The following SULT1C4 variants were observed in gnomAD, a reference collection of about 807,000 sequenced individuals.
SULT1C4 encodes the protein sulfotransferase 1C4.
SULT1C4 carries 32 observed loss-of-function variants against 34.8 expected under a neutral mutation model. The ratio of observed to expected loss-of-function variants is 0.92; its 90% CI spans 0.69 to 1.23. The LOEUF is 1.23. Ranked by LOEUF, SULT1C4 falls within the 50% of genes most tolerant of loss-of-function variation. The pLI, the probability that SULT1C4 is intolerant of heterozygous loss-of-function variation, is 0.00. For synonymous variants in SULT1C4, 111 were observed against 120.5 expected (o/e 0.92, Z 0.51); for missense variants, 375 against 365.9 (o/e 1.02, Z -0.20).
At position 108,387,474 on chromosome 2, in the gene SULT1C4, A is replaced by T; in HGVS notation, c.*42A>T. On this transcript the variant is annotated 3_prime_UTR_variant, in exon 7 of 7. Transcript: ENST00000272452. ...AAAATGTTTTAGTTTATTACCCAGT[A>T]TATTTGGGTAATAATGAAAGTTTAA... 8.0e-7 allele frequency: 1 copy of T among 1,256,814 alleles called. No individual in the cohort carries two copies. The highest frequency in any genetic ancestry group is 1.1e-6 in the Non-Finnish European group (1 of 873,720). 77.9% of individuals were successfully genotyped at this position (1,256,814 alleles called of 1,614,324 possible). A position where few individuals can be genotyped will look rare whatever the true frequency, so the allele number is the denominator to read the frequency against.
rs41428444 is a variant in SULT1C4 at position 108,382,324 on chromosome 2, G to C, written c.296-61G>C. 1.6e-3 allele frequency: 2,087 copies of C among 1,328,144 alleles called. 37 individuals are homozygous for C. The African/African-American group carries it at 0.027, about 17-fold the overall frequency. 82.3% of individuals were successfully genotyped at this position (1,328,144 alleles called of 1,614,324 possible). Reference sequence around the variant, plus strand: ...GTAGTAGTAATAATGGAAGCAGCAAGACTTGGAAGCAAATAGATAAAAAAA... The same window carrying C: ...GTAGTAGTAATAATGGAAGCAGCAACACTTGGAAGCAAATAGATAAAAAAA... On this transcript the variant is annotated intron_variant, in intron 2 of 6. Coordinates refer to ENST00000272452, the MANE Select transcript of SULT1C4 (RefSeq NM_006588.4).
At chr2:108,387,267 A>C in intron 6 of SULT1C4, 53 bp from the exon 7 acceptor site, 5 of 1,350,372 alleles carry the variant, frequency 3.7e-6, no homozygotes, top group Non-Finnish European at 5.2e-6. Flanking sequence ...AGAATAGGGA[A>C]GCACAGACTC....
At position 108,382,497 on chromosome 2, in the gene SULT1C4, G is replaced by C. The variant is rs1229138620; in HGVS notation, c.393+15G>C. 2 of 1,608,240 alleles carry C rather than the reference G, an allele frequency of 1.2e-6. No homozygotes were observed. The highest frequency in any genetic ancestry group is 4.5e-5 in the East Asian group (2 of 44,854). ...AAAACTGTAAGGTAAAAAAGCAAAA[G>C]GAATTCAGAGTTGTACTCCTTAAAA... On this transcript the variant is annotated intron_variant, in intron 3 of 6. Coordinates refer to ENST00000272452, the MANE Select transcript of SULT1C4 (RefSeq NM_006588.4).
chr2:108,378,366 C>T lies in SULT1C4; in HGVS notation c.29C>T (p.Thr10Ile). MALHDMEDF[T>I]FDGTKRLSVN... is the part of the protein sequence containing the mutation. ...GCCTTACACGACATGGAGGATTTTA[C>T]ATTTGATGGAACAAAGCGCTTAAGT... Residue 10 changes from threonine to isoleucine, a missense_variant, in exon 1 of 7, where the codon ACA becomes ATA. Coordinates refer to ENST00000272452, the MANE Select transcript of SULT1C4 (RefSeq NM_006588.4). 1 of 1,614,054 alleles carries T rather than the reference C, an allele frequency of 6.2e-7. No individual in the cohort carries two copies. Among genetic ancestry groups the T allele is most frequent in the Non-Finnish European group, 8.5e-7 (1 of 1,179,980 alleles).
chr2:108,381,569 T>C (rs1025138634), intron 1 of SULT1C4, among the ~76,000 whole-genome samples, 193 bp from the exon 2 acceptor site: 5 of 151,950 alleles, frequency 3.3e-5, no homozygotes, highest in Non-Finnish European at 4.4e-5. Context: ...AGAGGATCGC[T>C]TGAACCCAGG....
At chr2:108,380,578 G>T (rs1678359742) in intron 1 of SULT1C4, among the ~76,000 whole-genome samples, 1 of 152,186 alleles carries the variant, frequency 6.6e-6, no homozygotes, top group African/African-American at 2.4e-5. Flanking sequence ...CCTGGATTTT[G>T]CCAGAACATC....
At position 108,383,865 on chromosome 2, in the gene SULT1C4, T is replaced by G. The variant is rs542712922; in HGVS notation, c.615+355T>G. On this transcript the variant is annotated intron_variant, in intron 5 of 6. Transcript: ENST00000272452. ...TCTTTGGTTTTTGGGTTTTTTTTGT[T>G]TTTGTTTTTGTTTTTGAGACAGAGG... Among the ~76,000 whole-genome samples the G allele has an allele frequency of 1.0e-3, 155 of 148,770 alleles. 2 individuals carry two copies. Among genetic ancestry groups the G allele is most frequent in the South Asian group, 7.6e-3 (36 of 4,764 alleles).
In SULT1C4 at chr2:108,383,614, T is replaced by G. The variant is rs1380920880; in HGVS notation, c.615+104T>G. On this transcript the variant is annotated intron_variant, in intron 5 of 6. Coordinates refer to ENST00000272452, the MANE Select transcript of SULT1C4 (RefSeq NM_006588.4). ...TCAGATTGATGCGGGGAACCGAAAA[T>G]TGCTGCACTTCATTGGTTACAGCTG... 3.1e-6 allele frequency: 3 copies of G among 958,508 alleles called. No homozygotes were observed. In the Admixed American group the frequency reaches 7.7e-5, roughly 24 times the overall value. 59.4% of individuals were successfully genotyped at this position (958,508 alleles called of 1,614,324 possible). A position where few individuals can be genotyped will look rare whatever the true frequency, so the allele number is the denominator to read the frequency against.
rs917674515 is a variant in SULT1C4 at position 108,388,807 on chromosome 2, G to C, written c.*1375G>C. 1.3e-5 allele frequency among the ~76,000 whole-genome samples: 2 copies of C among 151,974 alleles called. No homozygotes were observed. The highest frequency in any genetic ancestry group is 1.3e-4 in the Admixed American group (2 of 15,262). Reference sequence around the variant, plus strand: ...ACCCTCCCAGTTTTATTTATACCAAGCCTCCTCCTGAAATTTCTCTTCCTT... The same window carrying C: ...ACCCTCCCAGTTTTATTTATACCAACCCTCCTCCTGAAATTTCTCTTCCTT... On this transcript the variant is annotated 3_prime_UTR_variant, in exon 7 of 7. Transcript: ENST00000272452.
intron 5 of SULT1C4, among the ~76,000 whole-genome samples, chr2:108,384,257 TCTCA>T (rs1389101033): frequency 6.6e-6 from 1 of 151,354 alleles, no homozygotes; most frequent in Non-Finnish European, 1.5e-5. Context: ...TGAGACGGAG[TCTCA>T]CTCTGTCACC....
chr2:108,380,159 A>G (rs1678348043), intron 1 of SULT1C4, among the ~76,000 whole-genome samples: 1 of 152,232 alleles, frequency 6.6e-6, no homozygotes, highest in East Asian at 1.9e-4. Flanking sequence ...GAATATGGGA[A>G]AAGGAATCTA....
rs780081879 is a variant in SULT1C4, at chr2:108,381,817, G to A, written c.225G>A (p.Glu75=). 2 of 1,499,086 alleles carry A rather than the reference G, an allele frequency of 1.3e-6. No homozygotes were observed. Among genetic ancestry groups the A allele is most frequent in the Non-Finnish European group, 1.8e-6 (2 of 1,128,528 alleles). The allele number at this position is 1,499,086 out of a possible 1,614,324, so 92.9% of individuals were successfully genotyped here. A position where few individuals can be genotyped will look rare whatever the true frequency, so the allele number is the denominator to read the frequency against. Residue 75 remains glutamate (E), a synonymous_variant, in exon 2 of 7, where the codon GAG becomes GAA. Transcript: ENST00000272452. ...VELIQNEGDV[E]KSKRAPTHQR... ...TAATACAAAATGAAGGTGATGTGGA[G>A]AAAAGTAAACGGGCACCGACTCATC...
Position 108,379,133 on chromosome 2 carries a change from G to T in SULT1C4, c.169+627G>T, listed in dbSNP as rs536508353. ...GAAATAGTTCTCTATAAATATTTTT[G>T]CATATCTACATATCTACTAGAAATA... is the stretch of plus-strand genomic sequence containing the variant. On this transcript the variant is annotated intron_variant, in intron 1 of 6. Transcript: ENST00000272452. Among the ~76,000 whole-genome samples, 5 of 152,208 alleles carry T rather than the reference G, an allele frequency of 3.3e-5. No individual in the cohort carries two copies. The South Asian group carries it at 1.0e-3, about 32-fold the overall frequency.
chr2:108,381,241 G>C (rs1373288463), intron 1 of SULT1C4, among the ~76,000 whole-genome samples: 1 of 152,074 alleles, frequency 6.6e-6, no homozygotes, highest in African/African-American at 2.4e-5. Context: ...TCAGTCTAAT[G>C]TCCATTCAAA....
At chr2:108,380,349 CA>C (rs113468282) in intron 1 of SULT1C4, among the ~76,000 whole-genome samples, 35 of 144,914 alleles carry the variant, frequency 2.4e-4, no homozygotes, top group Non-Finnish European at 3.2e-4. Context: ...CTCCTATGTA[CA>C]AAAAAAAAAT....
At position 108,387,917 on chromosome 2, in the gene SULT1C4, C is replaced by T. The variant is rs1678608837; in HGVS notation, c.*485C>T. 6.6e-6 allele frequency: 1 copy of T among 152,372 alleles called. No homozygotes were observed. The highest frequency in any genetic ancestry group is 6.6e-5 in the Admixed American group (1 of 15,260). 9.4% of individuals were successfully genotyped at this position (152,372 alleles called of 1,614,324 possible). On this transcript the variant is annotated 3_prime_UTR_variant, in exon 7 of 7. Coordinates refer to ENST00000272452, the MANE Select transcript of SULT1C4 (RefSeq NM_006588.4). ...GTTCACGCTATTCCCCTGCCTCAGC[C>T]TCCCGAGTAGCTGGGACTATGGGCG...
chr2:108,382,523 C>G (rs376204799), intron 3 of SULT1C4, 41 bp downstream of exon 3: 15 of 1,463,620 alleles, frequency 1.0e-5, no homozygotes, highest in Non-Finnish European at 1.4e-5. Context: ...CTCCTTAAAA[C>G]AACCTTAGTC....
intron 5 of SULT1C4, 79 bp downstream of exon 5, chr2:108,383,589 T>A: frequency 7.6e-7 from 1 of 1,316,404 alleles, no homozygotes; most frequent in Non-Finnish European, 1.0e-6. Flanking sequence ...CATCAGGGAC[T>A]CAGATTGATG....
In SULT1C4 at chr2:108,381,835, G is replaced by A. The variant is rs145977933; in HGVS notation, c.243G>A (p.Pro81=). ...EGDVEKSKRA[P]THQRFPFLEM... ...ATGTGGAGAAAAGTAAACGGGCACC[G>A]ACTCATCAACGATTTCCTTTCCTCG... Residue 81 remains proline (P), a synonymous_variant, in exon 2 of 7, where the codon CCG becomes CCA. Transcript: ENST00000272452. The A allele has an allele frequency of 1.0e-4, 156 of 1,505,102 alleles. 1 individual carries two copies. The highest frequency in any genetic ancestry group is 8.8e-4 in the Middle Eastern group (5 of 5,652). The allele number at this position is 1,505,102 out of a possible 1,614,324, so 93.2% of individuals were successfully genotyped here. A position where few individuals can be genotyped will look rare whatever the true frequency, so the allele number is the denominator to read the frequency against.
Sources: gnomAD v4.1 joint callset for allele counts (sites outside exome capture counted in the v4.1 genomes callset) on GRCh38, gnomAD v4.1.1 for gene constraint, MANE v1.5 for transcripts, NCBI Gene and HGNC (gene_info 2026-07-23, HGNC 2026-07-21) for gene names.